DENND1A: variants seen among roughly 807,000 people sequenced by gnomAD.
The protein encoded by DENND1A is DENN domain-containing protein 1A.
DENND1A carries 51 observed loss-of-function variants against 113.7 expected under a neutral mutation model. The ratio of observed to expected loss-of-function variants is 0.45; its 90% CI spans 0.36 to 0.57. The LOEUF is 0.57. Among genes scored for constraint, DENND1A ranks in the 20% least tolerant of loss-of-function variants. The pLI is 0.00. For synonymous variants in DENND1A, 565 were observed against 570.8 expected, an observed-to-expected ratio of 0.99 and a Z score of 0.14; for missense variants, 1,258 against 1,395.9, an observed-to-expected ratio of 0.90 and a Z score of 1.57.
chr9:123,857,796 A>T (rs1051901128), intron 2 of DENND1A, among the ~76,000 whole-genome samples: 5 of 152,188 alleles, frequency 3.3e-5, no homozygotes, highest in Admixed American at 6.6e-5. Flanking sequence ...GCAGTGGCTC[A>T]CACCTGTAAT....
rs534417678 is a variant in DENND1A at position 123,549,690 on chromosome 9, T to C, written c.993+7880A>G. Among the ~76,000 whole-genome samples, 10 of 152,304 alleles carry C rather than the reference T, an allele frequency of 6.6e-5. No homozygotes were observed. In the South Asian group the frequency reaches 2.1e-3, roughly 32 times the overall value. ...CAAGGGAGGGTGGTTATGGAAATTATGGTAGTTATACTTGATGGAATATTC... is the reference window on the plus strand; with the variant it reads ...CAAGGGAGGGTGGTTATGGAAATTACGGTAGTTATACTTGATGGAATATTC... On this transcript the variant is annotated intron_variant, in intron 13 of 23. Transcript: ENST00000394215.
chr9:123,758,973 T>C (rs1020377509), intron 4 of DENND1A, among the ~76,000 whole-genome samples: 4 of 152,042 alleles, frequency 2.6e-5, no homozygotes, highest in African/African-American at 9.7e-5. Context: ...GCTAATTTTT[T>C]TATATTTTTA....
chr9:123,837,517 G>C (rs1190037462), intron 2 of DENND1A, among the ~76,000 whole-genome samples: 1 of 152,100 alleles, frequency 6.6e-6, no homozygotes, highest in African/African-American at 2.4e-5. Flanking sequence ...TAAAATTACT[G>C]TTCAACCAGA....
intron 5 of DENND1A, among the ~76,000 whole-genome samples, chr9:123,740,114 G>A (rs1370121503): frequency 6.6e-6 from 1 of 152,042 alleles, no homozygotes; most frequent in Non-Finnish European, 1.5e-5. Context: ...GTGCAATCTT[G>A]CGCAACATGT....
intron 2 of DENND1A, among the ~76,000 whole-genome samples, chr9:123,861,144 C>A (rs1040752851): frequency 1.3e-5 from 2 of 152,160 alleles, no homozygotes; most frequent in Non-Finnish European, 2.9e-5. Flanking sequence ...CTCCCCCAAC[C>A]CCCTTCCAGG....
intron 13 of DENND1A, among the ~76,000 whole-genome samples, chr9:123,532,170 C>T (rs2055374765): frequency 6.6e-6 from 1 of 152,194 alleles, no homozygotes; most frequent in South Asian, 2.1e-4. Flanking sequence ...ATACTGATGG[C>T]ATTGGAACAT....
chr9:123,792,541 C>G (rs1833140171), intron 3 of DENND1A, 46 bp downstream of exon 3: 2 of 1,595,692 alleles, frequency 1.3e-6, no homozygotes, highest in African/African-American at 1.3e-5. Flanking sequence ...TTGAACAACT[C>G]TGAAATAAAT....
chr9:123,755,603 T>G lies in DENND1A; in HGVS notation c.302+2100A>C, dbSNP rs761187908. ...AAGTAAAAGTTATACCTTCCTCTCC[T>G]GCCTCCCTTCCACCTCTTCCACCTC... On this transcript the variant is annotated intron_variant, in intron 5 of 23. Coordinates refer to ENST00000394215, the MANE Select transcript of DENND1A (RefSeq NM_001352964.2). 4.8e-4 allele frequency among the ~76,000 whole-genome samples: 73 copies of G among 152,058 alleles called. 1 individual carries two copies. The highest frequency in any genetic ancestry group is 5.9e-4 in the Non-Finnish European group (40 of 68,024).
rs188418583 is a variant in DENND1A, at chr9:123,545,055, G to A, written c.993+12515C>T. Among the ~76,000 whole-genome samples, 355 of 151,704 alleles carry A rather than the reference G, an allele frequency of 2.3e-3. 2 individuals are homozygous for A. The highest frequency in any genetic ancestry group is 8.4e-3 in the African/African-American group (345 of 41,284). ...GGAGCTTGCAGTGAGCTGAGATCGC[G>A]CCACTGTACTCCAGCCTGGGCGACA... On this transcript the variant is annotated intron_variant, in intron 13 of 23. Transcript: ENST00000394215.
chr9:123,742,742 T>C (rs891643575), intron 5 of DENND1A, among the ~76,000 whole-genome samples: 23 of 152,106 alleles, frequency 1.5e-4, no homozygotes, highest in African/African-American at 5.3e-4. Flanking sequence ...GAGACACACA[T>C]TGGGAATAGG....
chr9:123,687,013 C>T (rs1269246441), intron 5 of DENND1A, among the ~76,000 whole-genome samples: 1 of 152,090 alleles, frequency 6.6e-6, no homozygotes, highest in African/African-American at 2.4e-5. Context: ...GCTTCAATGC[C>T]TTTCCTTGGC....
At chr9:123,847,208 C>A (rs1012831379) in intron 2 of DENND1A, among the ~76,000 whole-genome samples, 6 of 151,748 alleles carry the variant, frequency 4.0e-5, no homozygotes, top group African/African-American at 1.5e-4. Context: ...GGAAGAAAGA[C>A]TTGAAGAAGT....
intron 12 of DENND1A, among the ~76,000 whole-genome samples, chr9:123,559,293 T>G (rs975249804): frequency 1.3e-5 from 2 of 152,146 alleles, no homozygotes; most frequent in African/African-American, 4.8e-5. Context: ...AACAGAAAAC[T>G]AATGATTGGT....
chr9:123,913,078 G>C (rs1302398525), intron 1 of DENND1A, among the ~76,000 whole-genome samples: 3 of 133,284 alleles, frequency 2.3e-5, no homozygotes, highest in Non-Finnish European at 4.6e-5. Context: ...TTCCCTTCCA[G>C]AGCAGTGTCA....
chr9:123,582,029 C>T (rs949311984), intron 12 of DENND1A, among the ~76,000 whole-genome samples: 12 of 152,350 alleles, frequency 7.9e-5, no homozygotes, highest in African/African-American at 2.9e-4. Context: ...AATGTGGCAG[C>T]CAGCTACTTT....
At chr9:123,493,837 T>C (rs1382612418) in intron 13 of DENND1A, among the ~76,000 whole-genome samples, 3 of 152,146 alleles carry the variant, frequency 2.0e-5, no homozygotes, top group Non-Finnish European at 4.4e-5. Flanking sequence ...GACCATTGCT[T>C]GGACCGCCCC....
rs1232710034 is a variant in DENND1A, at chr9:123,507,895, A to G, written c.993+49675T>C. 3.3e-5 allele frequency among the ~76,000 whole-genome samples: 5 copies of G among 152,154 alleles called. No homozygotes were observed. The East Asian group carries it at 9.6e-4, about 29-fold the overall frequency. ...AAAATTACTAGTGTTCAGAGAGTTA[A>G]AAGACAGTTTCCATTGCTACTGTGA... On this transcript the variant is annotated intron_variant, in intron 13 of 23. Coordinates refer to ENST00000394215, the MANE Select transcript of DENND1A (RefSeq NM_001352964.2).
chr9:123,696,073 C>T (rs568455809), intron 5 of DENND1A, among the ~76,000 whole-genome samples: 37 of 151,634 alleles, frequency 2.4e-4, no homozygotes, highest in African/African-American at 6.8e-4. Flanking sequence ...AGTCTTACAA[C>T]TGTGAACTTC....
At chr9:123,722,220 A>C (rs2067392637) in intron 5 of DENND1A, among the ~76,000 whole-genome samples, 1 of 152,206 alleles carries the variant, frequency 6.6e-6, no homozygotes, top group Non-Finnish European at 1.5e-5. Flanking sequence ...GTACTTGAGA[A>C]AGATGATTTA....
Sources: allele counts gnomAD v4.1 joint callset (sites outside exome capture counted in the v4.1 genomes callset), GRCh38; gene constraint gnomAD v4.1.1; transcripts MANE v1.5; gene names NCBI Gene and HGNC (gene_info 2026-07-23, HGNC 2026-07-21).